Variants in MAML3 observed in about 807,000 individuals in gnomAD.
The protein encoded by MAML3 is mastermind-like protein 3.
MAML3 carries 27 observed loss-of-function variants against 101.9 expected under a neutral mutation model. That is an observed-to-expected ratio of 0.27 (90% CI 0.20 to 0.37). The LOEUF is 0.37. Ranked by LOEUF, MAML3 falls within the 10% of genes least tolerant of loss-of-function variation. The pLI is 1.00. For missense variants in MAML3, 1,316 were observed against 1,444.9 expected, an observed-to-expected ratio of 0.91 and a Z score of 1.45; for synonymous variants, 501 against 555.9, an observed-to-expected ratio of 0.90 and a Z score of 1.39.
At chr4:139,739,239 G>A (rs912398476) in intron 2 of MAML3, among the ~76,000 whole-genome samples, 5 of 152,228 alleles carry the variant, frequency 3.3e-5, no homozygotes, top group Non-Finnish European at 7.3e-5. Flanking sequence ...TCTGCTGAAT[G>A]TTAAAGAAAG....
At chr4:140,009,743 T>A (rs1726517322) in intron 1 of MAML3, among the ~76,000 whole-genome samples, 1 of 152,152 alleles carries the variant, frequency 6.6e-6, no homozygotes, top group African/African-American at 2.4e-5. Flanking sequence ...CAGAAGTGAA[T>A]AAAGAGACAA....
chr4:139,895,298 T>G (rs1732587607), intron 1 of MAML3, among the ~76,000 whole-genome samples: 1 of 152,260 alleles, frequency 6.6e-6, no homozygotes, highest in Non-Finnish European at 1.5e-5. Flanking sequence ...ATGTTGGCTA[T>G]GATACCTTCC....
In MAML3 at chr4:140,149,939, CTT is replaced by C. The variant is rs3051828; in HGVS notation, c.468+2919_468+2920del. On this transcript the variant is annotated intron_variant, in intron 1 of 4. Coordinates refer to ENST00000509479, the MANE Select transcript of MAML3 (RefSeq NM_018717.5). ...TATAACTTGTAGAGCATGTTTCTTT[CTT>C]TTTTTTTTTTTTTTTTGGTACACAG... 4.9e-3 allele frequency among the ~76,000 whole-genome samples: 637 copies of C among 129,846 alleles called. 6 individuals are homozygous for C. The highest frequency in any genetic ancestry group is 0.017 in the Middle Eastern group (4 of 240). 85.2% of individuals were successfully genotyped at this position (129,846 alleles called of 152,430 possible).
chr4:139,937,373 A>G (rs1210916323), intron 1 of MAML3, among the ~76,000 whole-genome samples: 1 of 152,140 alleles, frequency 6.6e-6, no homozygotes, highest in Non-Finnish European at 1.5e-5. Context: ...TCTGGTCTAG[A>G]CAATGATCTA....
intron 1 of MAML3, among the ~76,000 whole-genome samples, chr4:140,046,133 T>C (rs2110915599): frequency 6.6e-6 from 1 of 152,214 alleles, no homozygotes; most frequent in East Asian, 1.9e-4. Context: ...ACTTCCTGGC[T>C]CTTGTGTGGT....
intron 1 of MAML3, among the ~76,000 whole-genome samples, chr4:139,986,357 T>C (rs1734539611): frequency 6.6e-6 from 1 of 152,370 alleles, no homozygotes; most frequent in African/African-American, 2.4e-5. Context: ...TAAAGCATTT[T>C]GGAAGAAAGC....
At chr4:139,859,156 C>T (rs1391014424) in intron 2 of MAML3, among the ~76,000 whole-genome samples, 2 of 151,960 alleles carry the variant, frequency 1.3e-5, no homozygotes. Context: ...CAGGCATGCA[C>T]TTCCAGGAAA....
At chr4:140,126,159 GT>G (rs1219668124) in intron 1 of MAML3, among the ~76,000 whole-genome samples, 4 of 127,886 alleles carry the variant, frequency 3.1e-5, no homozygotes, top group African/African-American at 1.2e-4. Flanking sequence ...ATAAAGGACT[GT>G]AATAAGCATT....
At chr4:140,119,325 G>T (rs1416587084) in intron 1 of MAML3, among the ~76,000 whole-genome samples, 1 of 152,196 alleles carries the variant, frequency 6.6e-6, no homozygotes, top group Non-Finnish European at 1.5e-5. Flanking sequence ...CAGGAGGCAT[G>T]AAAGGAACCC....
chr4:140,006,415 G>C (rs1289020451), intron 1 of MAML3, among the ~76,000 whole-genome samples: 1 of 151,760 alleles, frequency 6.6e-6, no homozygotes, highest in Non-Finnish European at 1.5e-5. Flanking sequence ...GTGAAACCCC[G>C]ACTCTACTAA....
At chr4:139,808,431 T>C (rs773703699) in intron 2 of MAML3, among the ~76,000 whole-genome samples, 1 of 152,248 alleles carries the variant, frequency 6.6e-6, no homozygotes, top group Non-Finnish European at 1.5e-5. Flanking sequence ...CCAGCTTTAT[T>C]GGCCACAGAG....
chr4:140,044,279 T>C (rs879561128), intron 1 of MAML3, among the ~76,000 whole-genome samples: 20 of 151,958 alleles, frequency 1.3e-4, no homozygotes, highest in Admixed American at 9.2e-4. Context: ...GCTTAAAGGG[T>C]GGAGTGGAAA....
chr4:139,943,442 A>C (rs571025070), intron 1 of MAML3, among the ~76,000 whole-genome samples: 15 of 152,248 alleles, frequency 9.9e-5, no homozygotes, highest in African/African-American at 3.4e-4. Context: ...CTAGAGAAGA[A>C]TAAGAAGCCC....
At chr4:140,117,233 T>C (rs1728531069) in intron 1 of MAML3, among the ~76,000 whole-genome samples, 2 of 152,168 alleles carry the variant, frequency 1.3e-5, no homozygotes, top group South Asian at 2.1e-4. Flanking sequence ...AAGCAAATGT[T>C]TGGGGTTCCT....
intron 2 of MAML3, among the ~76,000 whole-genome samples, chr4:139,737,939 A>G (rs1435659252): frequency 6.6e-6 from 1 of 152,234 alleles, no homozygotes; most frequent in Admixed American, 6.5e-5. Flanking sequence ...AGTTTGAGGC[A>G]GAGTTCATCA....
At chr4:140,065,045 G>C (rs1324790369) in intron 1 of MAML3, among the ~76,000 whole-genome samples, 1 of 152,186 alleles carries the variant, frequency 6.6e-6, no homozygotes, top group Admixed American at 6.5e-5. Flanking sequence ...CAGTCAGTCT[G>C]GATTGAGGTC....
chr4:139,819,463 C>T (rs1730941526), intron 2 of MAML3, among the ~76,000 whole-genome samples: 1 of 152,128 alleles, frequency 6.6e-6, no homozygotes, highest in South Asian at 2.1e-4. Flanking sequence ...CATGAAGCTG[C>T]TTCGATATCT....
rs78624389 is a variant in MAML3, at chr4:139,822,014, C to A, written c.2079+67343G>T. 6.1e-3 allele frequency among the ~76,000 whole-genome samples: 923 copies of A among 152,214 alleles called. 13 individuals carry two copies. Among genetic ancestry groups the A allele is most frequent in the African/African-American group, 0.021 (869 of 41,534 alleles). ...TTGGGACCAGTTTTTAAATTTTGCACAGCTTTCTTAGCTCTTTCTGTTGGT... is the reference window on the plus strand; with the variant it reads ...TTGGGACCAGTTTTTAAATTTTGCAAAGCTTTCTTAGCTCTTTCTGTTGGT... On this transcript the variant is annotated intron_variant, in intron 2 of 4. Coordinates refer to ENST00000509479, the MANE Select transcript of MAML3 (RefSeq NM_018717.5).
At chr4:139,821,694 GC>G (rs1365512030) in intron 2 of MAML3, among the ~76,000 whole-genome samples, 1 of 152,226 alleles carries the variant, frequency 6.6e-6, no homozygotes, top group Non-Finnish European at 1.5e-5. Flanking sequence ...CTGGCCACTG[GC>G]CACTTCCAAG....
Sources: gnomAD v4.1 joint callset for allele counts (sites outside exome capture counted in the v4.1 genomes callset) on GRCh38, gnomAD v4.1.1 for gene constraint, MANE v1.5 for transcripts, NCBI Gene and HGNC (gene_info 2026-07-23, HGNC 2026-07-21) for gene names.